The following RGS17 variants were observed in gnomAD, a reference collection of about 807,000 sequenced individuals.
RGS17 encodes the protein regulator of G protein signaling 17.
Under a neutral mutation model 25.5 loss-of-function variants are expected in RGS17, and 12 were observed. That is an observed-to-expected ratio of 0.47 (90% CI 0.30 to 0.76). The LOEUF is 0.76. Among genes scored for constraint, RGS17 ranks in the 30% least tolerant of loss-of-function variants. The pLI, the probability that RGS17 is intolerant of heterozygous loss-of-function variation, is 0.07. For synonymous variants in RGS17, 71 were observed against 76.9 expected (o/e 0.92, Z 0.40); for missense variants, 196 against 242.2 (o/e 0.81, Z 1.27).
At chr6:153,039,802 C>T (rs570320796) in intron 2 of RGS17, among the ~76,000 whole-genome samples, 3 of 152,318 alleles carry the variant, frequency 2.0e-5, no homozygotes, top group Admixed American at 6.5e-5. Context: ...CTGCTCTGCA[C>T]TTTTATATGT....
rs1420749017 is a variant in RGS17 at position 153,071,399 on chromosome 6, C to T, written c.-25-27356G>A. ...CATAATTCCTACTTCATCCATGACA[C>T]TTTCCAACCTCACTAATCCTCCTGG... On this transcript the variant is annotated intron_variant, in intron 1 of 4. Transcript: ENST00000206262. Among the ~76,000 whole-genome samples, 3 of 152,048 alleles carry T rather than the reference C, an allele frequency of 2.0e-5. No homozygotes were observed. In the East Asian group the frequency reaches 5.8e-4, roughly 29 times the overall value.
intron 1 of RGS17, among the ~76,000 whole-genome samples, chr6:153,065,120 C>T (rs1776689095): frequency 6.6e-6 from 1 of 151,740 alleles, no homozygotes; most frequent in Admixed American, 6.6e-5. Flanking sequence ...TATTCCATGC[C>T]AACAGAAATC....
chr6:153,072,375 A>G (rs998958807), intron 1 of RGS17, among the ~76,000 whole-genome samples: 2 of 152,196 alleles, frequency 1.3e-5, no homozygotes, highest in Non-Finnish European at 2.9e-5. Flanking sequence ...GAAATAGGTA[A>G]TATAATTAAA....
chr6:153,044,503 G>A (rs1051110840), intron 1 of RGS17, among the ~76,000 whole-genome samples: 3 of 152,128 alleles, frequency 2.0e-5, no homozygotes, highest in African/African-American at 7.2e-5. Context: ...AAGAGTATGA[G>A]GAAGATCAAG....
rs920910134 is a variant in RGS17, at chr6:153,011,438, A to G, written c.*136T>C. 8.1e-6 allele frequency: 5 copies of G among 617,068 alleles called. No homozygotes were observed. The Middle Eastern group carries it at 1.3e-3, about 160-fold the overall frequency. 38.2% of individuals were successfully genotyped at this position (617,068 alleles called of 1,614,324 possible). A position where few individuals can be genotyped will look rare whatever the true frequency, so the allele number is the denominator to read the frequency against. ...AAAACCTTGATAAAAATGGAGACAA[A>G]GACCATAACGGTTGTGTTTTCACAG... On this transcript the variant is annotated 3_prime_UTR_variant, in exon 5 of 5. Transcript: ENST00000206262.
chr6:153,034,347 C>T (rs1177379722), intron 2 of RGS17, among the ~76,000 whole-genome samples: 1 of 152,124 alleles, frequency 6.6e-6, no homozygotes, highest in East Asian at 1.9e-4. Flanking sequence ...ATACCTGTGC[C>T]GATTAATGTG....
intron 4 of RGS17, among the ~76,000 whole-genome samples, chr6:153,018,534 T>C (rs1387854272): frequency 1.3e-5 from 2 of 152,196 alleles, no homozygotes; most frequent in South Asian, 2.1e-4. Context: ...TTAATAATAA[T>C]TGATCATAAT....
In RGS17 at chr6:153,070,818, T is replaced by C. The variant is rs866045317; in HGVS notation, c.-25-26775A>G. On this transcript the variant is annotated intron_variant, in intron 1 of 4. Coordinates refer to ENST00000206262, the MANE Select transcript of RGS17 (RefSeq NM_012419.5). ...ATACATATACATATACACATATACA[T>C]ATACATATATACACATACATATACA... Among the ~76,000 whole-genome samples, 61 of 151,000 alleles carry C rather than the reference T, an allele frequency of 4.0e-4. No individual in the cohort carries two copies. The Middle Eastern group carries it at 0.014, about 35-fold the overall frequency.
At chr6:153,083,012 G>GT (rs1380683990) in intron 1 of RGS17, among the ~76,000 whole-genome samples, 1 of 152,122 alleles carries the variant, frequency 6.6e-6, no homozygotes, top group Non-Finnish European at 1.5e-5. Flanking sequence ...TCTGCCTACT[G>GT]TAAGACCTGG....
intron 1 of RGS17, among the ~76,000 whole-genome samples, chr6:153,073,261 T>TTCAA (rs1776832596): frequency 2.6e-5 from 4 of 152,198 alleles, no homozygotes; most frequent in African/African-American, 9.6e-5. Flanking sequence ...CATTGTCTCT[T>TTCAA]TCAATCCCTC....
At chr6:153,112,865 C>A (rs141100891) in intron 1 of RGS17, among the ~76,000 whole-genome samples, 1 of 152,158 alleles carries the variant, frequency 6.6e-6, no homozygotes. Flanking sequence ...TACAGACAAG[C>A]AAATGCTGAG....
intron 3 of RGS17, among the ~76,000 whole-genome samples, chr6:153,025,388 G>C (rs1181988474): frequency 2.0e-5 from 3 of 151,832 alleles, no homozygotes; most frequent in Non-Finnish European, 2.9e-5. Flanking sequence ...ATCATAATTG[G>C]AAGCAGAGTG....
chr6:153,080,464 T>C (rs60822460), intron 1 of RGS17, among the ~76,000 whole-genome samples: 263 of 152,264 alleles, frequency 1.7e-3, no homozygotes, highest in African/African-American at 6.0e-3. Context: ...TAGAGGTTTA[T>C]CAGTTTTATT....
At chr6:153,064,498 C>G (rs561342876) in intron 1 of RGS17, among the ~76,000 whole-genome samples, 53 of 151,874 alleles carry the variant, frequency 3.5e-4, no homozygotes, top group South Asian at 1.0e-3. Flanking sequence ...GGTGTGGTGG[C>G]GGACGCCTGT....
intron 1 of RGS17, among the ~76,000 whole-genome samples, chr6:153,090,839 T>C (rs1251188361): frequency 7.6e-6 from 1 of 131,750 alleles, no homozygotes; most frequent in African/African-American, 3.1e-5. Flanking sequence ...CAGGGTTCAG[T>C]AAAAAAACAT....
intron 1 of RGS17, among the ~76,000 whole-genome samples, chr6:153,061,523 T>C (rs918454089): frequency 6.6e-6 from 1 of 152,116 alleles, no homozygotes; most frequent in Non-Finnish European, 1.5e-5. Context: ...TGAAAAAATA[T>C]GCAAAACAAA....
chr6:153,113,386 C>T lies in RGS17; in HGVS notation c.-26+17738G>A, dbSNP rs138759823. 2.8e-3 allele frequency among the ~76,000 whole-genome samples: 433 copies of T among 152,242 alleles called. 5 individuals carry two copies. The highest frequency in any genetic ancestry group is 0.01 in the African/African-American group (419 of 41,554). ...AATGCCGCAAGAAGAGCTAACTATC[C>T]TAAATACATATGCACCCAATACAGG... is the stretch of plus-strand genomic sequence containing the variant. On this transcript the variant is annotated intron_variant, in intron 1 of 4. Transcript: ENST00000206262.
intron 4 of RGS17, among the ~76,000 whole-genome samples, chr6:153,014,236 T>C (rs1381001723): frequency 2.6e-5 from 4 of 152,146 alleles, no homozygotes; most frequent in African/African-American, 4.8e-5. Flanking sequence ...CTGTGAACTA[T>C]AAATGGAACA....
chr6:153,032,827 CT>C (rs1638469070), intron 2 of RGS17, among the ~76,000 whole-genome samples: 1 of 152,166 alleles, frequency 6.6e-6, no homozygotes, highest in Non-Finnish European at 1.5e-5. Context: ...GGCAGGCATA[CT>C]GTTATTAACA....
Sources: gnomAD v4.1 joint callset for allele counts (sites outside exome capture counted in the v4.1 genomes callset) on GRCh38, gnomAD v4.1.1 for gene constraint, MANE v1.5 for transcripts, NCBI Gene and HGNC (gene_info 2026-07-23, HGNC 2026-07-21) for gene names.